EXTL3: variants seen among roughly 807,000 people sequenced by gnomAD.
EXTL3 encodes exostosin-like 3.
Under a neutral mutation model 69.3 loss-of-function variants are expected in EXTL3, and 27 were observed. The ratio of observed to expected loss-of-function variants is 0.39; its 90% CI spans 0.29 to 0.54. The LOEUF (loss-of-function observed/expected upper bound fraction) is 0.54, where lower values mean the gene tolerates loss of function less well. Among genes scored for constraint, EXTL3 ranks in the 20% least tolerant of loss-of-function variants. The pLI is 0.69. For missense variants in EXTL3, 1,003 were observed against 1,231.8 expected (o/e 0.81, Z 2.78); for synonymous variants, 511 against 499.4 (o/e 1.02, Z -0.31).
intron 1 of EXTL3, among the ~76,000 whole-genome samples, chr8:28,706,747 ACTT>A (rs1204333738): frequency 2.4e-4 from 37 of 152,080 alleles, no homozygotes; most frequent in Non-Finnish European, 4.1e-4. Flanking sequence ...TTTTTGTGTA[ACTT>A]CTTATTTATG....
intron 1 of EXTL3, among the ~76,000 whole-genome samples, chr8:28,639,649 G>C (rs561548072): frequency 6.6e-6 from 1 of 152,266 alleles, no homozygotes; most frequent in African/African-American, 2.4e-5. Context: ...CCACCTGGAC[G>C]GTTCCTCTCC....
intron 1 of EXTL3, among the ~76,000 whole-genome samples, chr8:28,691,612 T>A (rs2130678416): frequency 6.7e-6 from 1 of 150,252 alleles, no homozygotes; most frequent in East Asian, 1.9e-4. Context: ...AATATGTAGA[T>A]GTTGGCCGGG....
Position 28,731,297 on chromosome 8 carries a change from G to T in EXTL3, c.2223G>T (p.Leu741=). The change falls in exon 4 of 7, where the codon CTG becomes CTT. Residue 741 remains leucine, a synonymous_variant. Transcript: ENST00000220562. ...PWNEIETEAI[L]SIDDDAHLRH... ...ATGAAATTGAGACAGAGGCCATCCT[G>T]TCCATTGATGACGATGCTCACCTCC... 6.2e-7 allele frequency: 1 copy of T among 1,614,218 alleles called. No homozygotes were observed. Among genetic ancestry groups the T allele is most frequent in the Non-Finnish European group, 8.5e-7 (1 of 1,180,016 alleles).
chr8:28,642,310 G>A (rs1806757184), intron 1 of EXTL3, among the ~76,000 whole-genome samples: 1 of 151,814 alleles, frequency 6.6e-6, no homozygotes, highest in Non-Finnish European at 1.5e-5. Flanking sequence ...GCAGGGCATG[G>A]GGACATGCAC....
chr8:28,615,047 T>C (rs1806315801), intron 2 of EXTL3, among the ~76,000 whole-genome samples: 1 of 146,034 alleles, frequency 6.8e-6, no homozygotes, highest in African/African-American at 2.5e-5. Flanking sequence ...CTCCAAATAT[T>C]TGAGAATTTT....
intron 3 of EXTL3, among the ~76,000 whole-genome samples, chr8:28,725,696 C>T (rs1324549207): frequency 1.3e-5 from 2 of 152,116 alleles, no homozygotes; most frequent in Non-Finnish European, 2.9e-5. Flanking sequence ...GAAAGTGAGT[C>T]TTCCTGTTTG....
intron 1 of EXTL3, among the ~76,000 whole-genome samples, chr8:28,669,288 G>A (rs1409855805): frequency 2.6e-5 from 4 of 152,130 alleles, no homozygotes; most frequent in Admixed American, 2.6e-4. Flanking sequence ...TCCGATGGTA[G>A]CATGTATCAA....
chr8:28,631,296 G>A (rs1485793253), intron 1 of EXTL3: 1 of 152,108 alleles, frequency 6.6e-6, no homozygotes, highest in Non-Finnish European at 1.5e-5. Flanking sequence ...TTTGGTGGAA[G>A]CTATCTGGAG....
At chr8:28,657,198 C>G (rs1054298807) in intron 1 of EXTL3, among the ~76,000 whole-genome samples, 4 of 152,152 alleles carry the variant, frequency 2.6e-5, no homozygotes, top group Non-Finnish European at 5.9e-5. Context: ...CTGCCTCGGC[C>G]TCCCAAAGTG....
rs554159825 is a variant in EXTL3, at chr8:28,750,791, G to A, written c.2685G>A (p.Thr895=). Residue 895 remains threonine, a synonymous_variant, in exon 7 of 7, where the codon ACG becomes ACA. Transcript: ENST00000220562. This position sits in a 1 kb window ranked among gnomAD's most constrained non-coding sequence, Gnocchi z 5.2. ...ACGGCTACATGCCCCTCCTGTACAC[G>A]CAGTTCAGGGTGGATTCTGTGCTCT... The part of the protein sequence containing the change: ...KVYGYMPLLY[T]QFRVDSVLFK... The A allele has an allele frequency of 1.5e-5, 24 of 1,614,022 alleles. No homozygotes were observed. Among genetic ancestry groups the A allele is most frequent in the Admixed American group, 1.0e-4 (6 of 60,024 alleles).
In EXTL3 at chr8:28,743,139, G is replaced by A. The variant is rs777707445; in HGVS notation, c.2475G>A (p.Val825=). ...YVMPQAIRDM[V]DEYINCEDIA... ...TGCCCCAGGCCATCCGGGACATGGT[G>A]GATGAATACATCAACTGTGAGGACA... The change falls in exon 6 of 7, where the codon GTG becomes GTA. Residue 825 remains valine (V), a synonymous_variant. Transcript: ENST00000220562. 6 of 1,614,100 alleles carry A rather than the reference G, an allele frequency of 3.7e-6. No homozygotes were observed. In the Admixed American group the frequency reaches 6.7e-5, roughly 18 times the overall value.
chr8:28,727,887 C>A (rs1271742096), intron 3 of EXTL3, among the ~76,000 whole-genome samples: 1 of 152,222 alleles, frequency 6.6e-6, no homozygotes, highest in Non-Finnish European at 1.5e-5. Context: ...TCGCCTCACA[C>A]TTTGAACTCT....
chr8:28,636,293 C>G (rs1306297830), intron 1 of EXTL3, among the ~76,000 whole-genome samples: 1 of 149,074 alleles, frequency 6.7e-6, no homozygotes, highest in African/African-American at 2.5e-5. Flanking sequence ...GATCGCGCGA[C>G]TGCACTCCAG....
intron 1 of EXTL3, among the ~76,000 whole-genome samples, chr8:28,638,085 A>G (rs921546200): frequency 3.3e-5 from 5 of 151,676 alleles, no homozygotes; most frequent in Non-Finnish European, 5.9e-5. Flanking sequence ...TCCTCGTGCT[A>G]TTTGTTCTTG....
At chr8:28,620,696 C>G (rs1010283126), upstream of EXTL3, among the ~76,000 whole-genome samples, 3 of 152,052 alleles carry the variant, frequency 2.0e-5, no homozygotes, top group African/African-American at 7.2e-5. Flanking sequence ...TATATTTAAC[C>G]GTTTAGCTTT....
chr8:28,656,372 A>G (rs1226684330), intron 1 of EXTL3, among the ~76,000 whole-genome samples: 1 of 152,140 alleles, frequency 6.6e-6, no homozygotes, highest in East Asian at 1.9e-4. Flanking sequence ...ATTGTTGCCC[A>G]GGCTGGTTTT....
chr8:28,626,748 G>A (rs1048107696), intron 1 of EXTL3, among the ~76,000 whole-genome samples: 7 of 152,190 alleles, frequency 4.6e-5, no homozygotes, highest in African/African-American at 1.4e-4. Flanking sequence ...TTTTCATACA[G>A]GGCTCATTCT....
intron 1 of EXTL3, among the ~76,000 whole-genome samples, chr8:28,680,486 A>G (rs1476161521): frequency 6.6e-6 from 1 of 152,118 alleles, no homozygotes; most frequent in African/African-American, 2.4e-5. Flanking sequence ...GTATATTTAC[A>G]GGGTATGACA....
At chr8:28,629,561 T>C (rs1294409969) in intron 1 of EXTL3, among the ~76,000 whole-genome samples, 1 of 152,164 alleles carries the variant, frequency 6.6e-6, no homozygotes, top group Non-Finnish European at 1.5e-5. Context: ...ACTCCTTTTA[T>C]GTAAGCTTTC....
Sources: gnomAD v4.1 joint callset for allele counts (sites outside exome capture counted in the v4.1 genomes callset) on GRCh38, gnomAD v4.1.1 for gene constraint, Gnocchi (gnomAD v3.1) non-coding constraint, MANE v1.5 for transcripts, NCBI Gene and HGNC (gene_info 2026-07-23, HGNC 2026-07-21) for gene names.